Variants in DENND1A observed in about 807,000 individuals in gnomAD.
DENND1A encodes DENN domain-containing protein 1A.
In DENND1A, 51 loss-of-function variants were observed where a neutral mutation model predicts 113.7. That is an observed-to-expected ratio of 0.45 (90% CI 0.36 to 0.57). The LOEUF is 0.57. Ranked by LOEUF, DENND1A falls within the 20% of genes least tolerant of loss-of-function variation. The pLI, the probability that DENND1A is intolerant of heterozygous loss-of-function variation, is 0.00. For synonymous variants in DENND1A, 565 were observed against 570.8 expected (o/e 0.99, Z 0.14); for missense variants, 1,258 against 1,395.9 (o/e 0.90, Z 1.57).
intron 2 of DENND1A, among the ~76,000 whole-genome samples, chr9:123,797,354 C>T (rs1011792168): frequency 2.0e-5 from 3 of 152,164 alleles, no homozygotes; most frequent in African/African-American, 4.8e-5. Flanking sequence ...CACTACACTG[C>T]TCTTTCACTA....
In DENND1A at chr9:123,769,555, T is replaced by C. The variant is rs1387000930; in HGVS notation, c.141A>G (p.Leu47=). 6.2e-7 allele frequency: 1 copy of C among 1,609,420 alleles called. No homozygotes were observed. The highest frequency in any genetic ancestry group is 8.5e-7 in the Non-Finnish European group (1 of 1,178,380). Residue 47 remains leucine (L), a synonymous_variant, in exon 4 of 24, where the codon CTA becomes CTG. Transcript: ENST00000394215. ...FPEDYSDQEV[L]QTLTKFCFPF... ...GGAAACAAAACTTGGTCAAAGTCTG[T>C]AGAACTTCCTGTGGAGAGAAAGAGA...
intron 11 of DENND1A, among the ~76,000 whole-genome samples, chr9:123,584,320 A>G (rs560097010): frequency 2.6e-5 from 4 of 152,262 alleles, no homozygotes; most frequent in Non-Finnish European, 4.4e-5. Flanking sequence ...TAAAGGATCA[A>G]TTCCATTACT....
At chr9:123,555,829 AAT>A (rs1231174523) in intron 13 of DENND1A, among the ~76,000 whole-genome samples, 2 of 152,224 alleles carry the variant, frequency 1.3e-5, no homozygotes, top group African/African-American at 4.8e-5. Context: ...CTGCAGCAGC[AAT>A]ATGTCCCGAA....
chr9:123,500,482 C>T (rs1448055102), intron 13 of DENND1A, among the ~76,000 whole-genome samples: 1 of 152,176 alleles, frequency 6.6e-6, no homozygotes, highest in Non-Finnish European at 1.5e-5. Flanking sequence ...AGGCATTTCC[C>T]CCCTTCACTG....
chr9:123,763,521 C>T (rs1018381517), intron 4 of DENND1A, among the ~76,000 whole-genome samples: 4 of 152,098 alleles, frequency 2.6e-5, no homozygotes, highest in African/African-American at 9.7e-5. Context: ...GAGTTGAATA[C>T]ACTAGTTAGG....
At chr9:123,840,307 C>G (rs920756738) in intron 2 of DENND1A, among the ~76,000 whole-genome samples, 8 of 150,948 alleles carry the variant, frequency 5.3e-5, no homozygotes, top group Non-Finnish European at 1.2e-4. Flanking sequence ...TCTAACACAG[C>G]AATCAGAGGA....
At chr9:123,504,062 C>T (rs2052710521) in intron 13 of DENND1A, among the ~76,000 whole-genome samples, 1 of 152,192 alleles carries the variant, frequency 6.6e-6, no homozygotes, top group Non-Finnish European at 1.5e-5. Flanking sequence ...CACAAGCCTT[C>T]CTTTCTGGTT....
Position 123,597,424 on chromosome 9 carries a change from A to G in DENND1A, c.765+12012T>C, listed in dbSNP as rs1417995813. ...ACATATGGGCAGTAAAGGGGCAGCT[A>G]TTACTTTGATTTGTCCTACCCACGA... is the stretch of plus-strand genomic sequence containing the variant. On this transcript the variant is annotated intron_variant, in intron 11 of 23. Coordinates refer to ENST00000394215, the MANE Select transcript of DENND1A (RefSeq NM_001352964.2). Among the ~76,000 whole-genome samples the G allele has an allele frequency of 2.0e-5, 3 of 152,178 alleles. No homozygotes were observed. In the East Asian group the frequency reaches 5.8e-4, roughly 29 times the overall value.
chr9:123,868,222 C>T (rs569885918), intron 2 of DENND1A, among the ~76,000 whole-genome samples: 3 of 152,264 alleles, frequency 2.0e-5, no homozygotes, highest in Admixed American at 6.5e-5. Context: ...GAAATCTTCC[C>T]GGCATACTGA....
intron 12 of DENND1A, among the ~76,000 whole-genome samples, chr9:123,576,624 G>A (rs1343178454): frequency 6.6e-6 from 1 of 152,058 alleles, no homozygotes; most frequent in Non-Finnish European, 1.5e-5. Flanking sequence ...TCAGCCTCCT[G>A]AGTAGCTGGG....
chr9:123,687,237 AC>A (rs927818264), intron 5 of DENND1A, among the ~76,000 whole-genome samples: 2 of 151,678 alleles, frequency 1.3e-5, no homozygotes, highest in African/African-American at 2.4e-5. Context: ...CCTCGCACCT[AC>A]CCCCCCAGCG....
chr9:123,756,288 A>C (rs1053072575), intron 5 of DENND1A, among the ~76,000 whole-genome samples: 4 of 152,298 alleles, frequency 2.6e-5, no homozygotes, highest in Non-Finnish European at 5.9e-5. Context: ...TTAAACCCAT[A>C]TTGTTCAAGG....
chr9:123,596,477 A>T (rs1383941048), intron 11 of DENND1A, among the ~76,000 whole-genome samples: 1 of 152,198 alleles, frequency 6.6e-6, no homozygotes, highest in Non-Finnish European at 1.5e-5. Context: ...GAGCTTTATT[A>T]TTCACATTTT....
rs745878068 is a variant in DENND1A, at chr9:123,414,520, A to T, written c.1489-2691T>A. 7.2e-5 allele frequency: 112 copies of T among 1,547,574 alleles called. No homozygotes were observed. In the Middle Eastern group the frequency reaches 1.0e-3, roughly 14 times the overall value. The stretch of plus-strand genomic sequence containing the variant: ...ACGCATTGTGTGAAGGGAAAAAAGG[A>T]GGTTCCCCAGCCAGGCAAATCTGAG... On this transcript the variant is annotated intron_variant, in intron 19 of 23. Transcript: ENST00000394215.
intron 12 of DENND1A, among the ~76,000 whole-genome samples, chr9:123,582,457 T>C (rs1564760561): frequency 1.3e-5 from 2 of 151,968 alleles, no homozygotes; most frequent in African/African-American, 4.8e-5. Context: ...TGGAGTGCAG[T>C]GGCACGATCT....
intron 2 of DENND1A, among the ~76,000 whole-genome samples, chr9:123,818,313 C>A (rs145352546): frequency 0.021 from 3,247 of 151,972 alleles, 123 homozygotes; most frequent in African/African-American, 0.073. Context: ...ACCGTTTTAG[C>A]AGGGATGGTC....
At chr9:123,499,184 C>A (rs965681562) in intron 13 of DENND1A, among the ~76,000 whole-genome samples, 9 of 152,054 alleles carry the variant, frequency 5.9e-5, no homozygotes, top group African/African-American at 1.4e-4. Context: ...CAGGCACACG[C>A]CACCACGCCT....
chr9:123,657,760 ATT>A (rs534238086), intron 8 of DENND1A, among the ~76,000 whole-genome samples: 1 of 145,486 alleles, frequency 6.9e-6, no homozygotes, highest in African/African-American at 2.5e-5. Flanking sequence ...CCCTCAACTG[ATT>A]TTTTTTTTTT....
intron 3 of DENND1A, among the ~76,000 whole-genome samples, chr9:123,783,788 GT>G (rs1203434809): frequency 6.6e-6 from 1 of 152,190 alleles, no homozygotes; most frequent in African/African-American, 2.4e-5. Context: ...CATACCTCAT[GT>G]TGTTCACTGA....
Sources: allele counts gnomAD v4.1 joint callset (sites outside exome capture counted in the v4.1 genomes callset), GRCh38; gene constraint gnomAD v4.1.1; transcripts MANE v1.5; gene names NCBI Gene and HGNC (gene_info 2026-07-23, HGNC 2026-07-21).